The following FRMPD1 variants were observed in gnomAD, a reference collection of about 807,000 sequenced individuals.
FRMPD1 encodes the protein FERM and PDZ domain containing 1, also known as FERM and PDZ domain-containing protein 1.
Under a neutral mutation model 117.8 loss-of-function variants are expected in FRMPD1, and 76 were observed. The ratio of observed to expected loss-of-function variants is 0.65; its 90% CI spans 0.54 to 0.78. FRMPD1 has a LOEUF of 0.78. Ranked by LOEUF, FRMPD1 falls within the 30% of genes least tolerant of loss-of-function variation. FRMPD1 has a pLI of 0.00. For synonymous variants in FRMPD1, 783 were observed against 770.4 expected (o/e 1.02, Z -0.27); for missense variants, 1,786 against 1,964.5 (o/e 0.91, Z 1.72).
At chr9:37,618,713 C>T in the FRMPD1 span, among the ~76,000 whole-genome samples, 1 of 152,174 alleles carries the variant, frequency 6.6e-6, no homozygotes, top group Admixed American at 6.5e-5. Context: ...GCAGTTCCCT[C>T]AAACACACTG....
In FRMPD1 at chr9:37,729,643, C is replaced by G. The variant is rs200090839; in HGVS notation, c.613-85C>G. 2.8e-6 allele frequency: 4 copies of G among 1,411,870 alleles called. No individual in the cohort carries two copies. The South Asian group carries it at 5.0e-5, about 18-fold the overall frequency. 87.5% of individuals were successfully genotyped at this position (1,411,870 alleles called of 1,614,324 possible). ...GCATGTCAGTGCAGGCTTTTCTCTC[C>G]CTAGCTGCACTGAGGAATGGCAGGA... On this transcript the variant is annotated intron_variant, in intron 7 of 15. Transcript: ENST00000377765.
intron 4 of FRMPD1, among the ~76,000 whole-genome samples, chr9:37,709,000 G>A (rs1822814725): frequency 6.6e-6 from 1 of 152,126 alleles, no homozygotes; most frequent in Non-Finnish European, 1.5e-5. Flanking sequence ...TGGTGTCATT[G>A]TGACTTATGA....
At chr9:37,699,244 A>T (rs1822444412) in intron 2 of FRMPD1, among the ~76,000 whole-genome samples, 1 of 151,680 alleles carries the variant, frequency 6.6e-6, no homozygotes, top group Non-Finnish European at 1.5e-5. Context: ...CTATTCTGTC[A>T]TATGAAGTTT....
intron 1 of FRMPD1, among the ~76,000 whole-genome samples, chr9:37,660,496 T>C (rs1178507142): frequency 6.6e-6 from 1 of 152,158 alleles, no homozygotes; most frequent in African/African-American, 2.4e-5. Context: ...AAGGACCATC[T>C]AGTAAGGAAG....
chr9:37,702,872 G>A (rs942508237), intron 2 of FRMPD1, among the ~76,000 whole-genome samples: 3 of 152,186 alleles, frequency 2.0e-5, no homozygotes, highest in Non-Finnish European at 2.9e-5. Flanking sequence ...TTGATGTAGA[G>A]TCTTCGAGGT....
At chr9:37,696,035 G>A (rs927355345) in intron 2 of FRMPD1, among the ~76,000 whole-genome samples, 1 of 123,454 alleles carries the variant, frequency 8.1e-6, no homozygotes, top group Non-Finnish European at 1.6e-5. Context: ...CTTGCTCACC[G>A]TTCTCCATTG....
the FRMPD1 span, among the ~76,000 whole-genome samples, chr9:37,638,735 A>G: frequency 6.6e-6 from 1 of 152,216 alleles, no homozygotes; most frequent in Non-Finnish European, 1.5e-5. Flanking sequence ...TTCCCCACTT[A>G]GTAAGATCTT....
chr9:37,735,534 C>T lies in FRMPD1; in HGVS notation c.1219-18C>T, dbSNP rs188465970. The T allele has an allele frequency of 3.8e-6, 6 of 1,590,590 alleles. No homozygotes were observed. The Admixed American group carries it at 8.4e-5, about 22-fold the overall frequency. ...CTCGCTTGCGAATGGAGACTAATTC[C>T]CCTTCCACCCTCTGCAGTTACAGGA... On this transcript the variant is annotated intron_variant, in intron 12 of 15. Transcript: ENST00000377765.
At chr9:37,688,124 G>A (rs1822011083) in intron 1 of FRMPD1, among the ~76,000 whole-genome samples, 1 of 151,414 alleles carries the variant, frequency 6.6e-6, no homozygotes. Flanking sequence ...ATTTATGTGT[G>A]ATATTTAATT....
chr9:37,712,560 T>C (rs1429815121), intron 5 of FRMPD1, among the ~76,000 whole-genome samples: 1 of 152,186 alleles, frequency 6.6e-6, no homozygotes, highest in Non-Finnish European at 1.5e-5. Context: ...TTCGCCACAT[T>C]GGCCAGGCTG....
At chr9:37,604,976 A>G in the FRMPD1 span, among the ~76,000 whole-genome samples, 1 of 152,396 alleles carries the variant, frequency 6.6e-6, no homozygotes, top group South Asian at 2.1e-4. Context: ...CCACTTTACA[A>G]ATGGAAAAGT....
At chr9:37,709,448 G>C (rs1455562056) in intron 4 of FRMPD1, among the ~76,000 whole-genome samples, 1 of 151,304 alleles carries the variant, frequency 6.6e-6, no homozygotes, top group Non-Finnish European at 1.5e-5. Context: ...CCAGCTACTC[G>C]GGTGGCTGAG....
At chr9:37,711,464 G>A in intron 5 of FRMPD1, 69 bp downstream of exon 5, 1 of 1,172,574 alleles carries the variant, frequency 8.5e-7, no homozygotes, top group Non-Finnish European at 1.3e-6. Context: ...TTCCCCCAGA[G>A]GATATCCCTC....
Position 37,708,395 on chromosome 9 carries a change from A to G in FRMPD1, c.260-4A>G, listed in dbSNP as rs1324822616. The G allele has an allele frequency of 6.3e-7, 1 of 1,590,202 alleles. No homozygotes were observed. Among genetic ancestry groups the G allele is most frequent in the Admixed American group, 1.7e-5 (1 of 59,944 alleles). On this transcript the variant is annotated splice_polypyrimidine_tract_variant and splice_region_variant and intron_variant, in intron 3 of 15. Coordinates refer to ENST00000377765, the MANE Select transcript of FRMPD1 (RefSeq NM_014907.3). ...GCACCAATTACTTATTTTCTGTCCA[A>G]CAGGAGGCTCTGCTCACGGCAAGCT...
At chr9:37,663,969 G>T (rs2119394278) in intron 1 of FRMPD1, among the ~76,000 whole-genome samples, 1 of 152,332 alleles carries the variant, frequency 6.6e-6, no homozygotes, top group African/African-American at 2.4e-5. Context: ...TTCAGTTCAA[G>T]TTTGGTTGAA....
At position 37,746,352 on chromosome 9, in the gene FRMPD1, G is replaced by C. The variant is rs1824718240; in HGVS notation, c.4320G>C (p.Trp1440Cys). Residue 1440 changes from tryptophan to cysteine, a missense_variant, in exon 16 of 16, where the codon TGG becomes TGC. Coordinates refer to ENST00000377765, the MANE Select transcript of FRMPD1 (RefSeq NM_014907.3). ...LELQDILETS[W>C]GVGNKHPPEK... The stretch of plus-strand genomic sequence containing the variant: ...TACAAGACATTTTAGAAACTTCCTG[G>C]GGGGTTGGAAACAAACATCCCCCAG... The C allele has an allele frequency of 6.2e-7, 1 of 1,612,606 alleles. No homozygotes were observed. The highest frequency in any genetic ancestry group is 8.5e-7 in the Non-Finnish European group (1 of 1,179,704).
chr9:37,670,394 A>G (rs377370285), intron 1 of FRMPD1, among the ~76,000 whole-genome samples: 3 of 152,162 alleles, frequency 2.0e-5, no homozygotes, highest in Non-Finnish European at 2.9e-5. Flanking sequence ...TGTATGAGGG[A>G]GGAGGACAGC....
chr9:37,728,630 T>TC (rs1823719555), intron 7 of FRMPD1, among the ~76,000 whole-genome samples: 2 of 152,154 alleles, frequency 1.3e-5, no homozygotes, highest in African/African-American at 4.8e-5. Flanking sequence ...CGCATTATTG[T>TC]CCTCTATTTG....
chr9:37,740,297 C>T lies in FRMPD1; in HGVS notation c.1769C>T (p.Ser590Phe). The T allele has an allele frequency of 1.9e-6, 3 of 1,613,846 alleles. No homozygotes were observed. Among genetic ancestry groups the T allele is most frequent in the Non-Finnish European group, 2.5e-6 (3 of 1,179,984 alleles). Residue 590 changes from serine (S) to phenylalanine (F), a missense_variant, in exon 15 of 16, where the codon TCC becomes TTC. Coordinates refer to ENST00000377765, the MANE Select transcript of FRMPD1 (RefSeq NM_014907.3). This position sits in a 1 kb window ranked among gnomAD's most constrained non-coding sequence, Gnocchi z 4.2. ...ACAGACAGTGCCGAGTCCGAGGCGT[C>T]CGACTCAGCCAACACTGAGAGCCGC... is the stretch of plus-strand genomic sequence containing the variant. Reference protein sequence around the residue: ...STTDSAESEASDSANTESRGY... With the variant: ...STTDSAESEAFDSANTESRGY...
Sources: gnomAD v4.1 joint callset for allele counts (sites outside exome capture counted in the v4.1 genomes callset) on GRCh38, gnomAD v4.1.1 for gene constraint, Gnocchi (gnomAD v3.1) non-coding constraint, MANE v1.5 for transcripts, NCBI Gene and HGNC (gene_info 2026-07-23, HGNC 2026-07-21) for gene names.